The following MAP4K5 variants were observed in gnomAD, a reference collection of about 807,000 sequenced individuals.
MAP4K5 encodes mitogen-activated protein kinase kinase kinase kinase 5, also known as MAPK/ERK kinase kinase kinase 5.
In MAP4K5, 82 loss-of-function variants were observed where a neutral mutation model predicts 135.6. The observed-to-expected ratio is 0.60, with a 90% CI of 0.51 to 0.73. The LOEUF (loss-of-function observed/expected upper bound fraction) is 0.73, where lower values mean the gene tolerates loss of function less well. Ranked by LOEUF, MAP4K5 falls within the 30% of genes least tolerant of loss-of-function variation. The pLI, the probability that MAP4K5 is intolerant of heterozygous loss-of-function variation, is 0.00. For synonymous variants in MAP4K5, 347 were observed against 335.0 expected (o/e 1.04, Z -0.39); for missense variants, 907 against 1,010.9 (o/e 0.90, Z 1.39).
At chr14:50,495,888 G>A (rs2037580704) in intron 3 of MAP4K5, among the ~76,000 whole-genome samples, 1 of 152,182 alleles carries the variant, frequency 6.6e-6, no homozygotes, top group Non-Finnish European at 1.5e-5. Flanking sequence ...GTAGAATGGT[G>A]GTTACTAGTG....
chr14:50,457,575 C>CT (rs1323289045), intron 13 of MAP4K5, among the ~76,000 whole-genome samples: 1 of 152,114 alleles, frequency 6.6e-6, no homozygotes, highest in Non-Finnish European at 1.5e-5. Context: ...TTCAAAGCCC[C>CT]AGGAGGATCC....
chr14:50,551,597 T>C (rs2038703542), intron 1 of MAP4K5, among the ~76,000 whole-genome samples: 1 of 152,058 alleles, frequency 6.6e-6, no homozygotes, highest in African/African-American at 2.4e-5. Context: ...GACCATTATC[T>C]CTGATGAACA....
chr14:50,555,021 A>G (rs2038747971), intron 1 of MAP4K5, among the ~76,000 whole-genome samples: 3 of 152,158 alleles, frequency 2.0e-5, no homozygotes, highest in Admixed American at 1.3e-4. Flanking sequence ...TTTGTTACAT[A>G]TACGGTATAT....
rs560342513 is a variant in MAP4K5, at chr14:50,455,550, T to C, written c.1015+966A>G. On this transcript the variant is annotated intron_variant, in intron 14 of 32. Transcript: ENST00000682126. ...ACTAAATCTTGAATTACTGGCTTAA[T>C]TATGAAAAGGCCTGATTGAAACAAC... Among the ~76,000 whole-genome samples the C allele has an allele frequency of 9.2e-5, 14 of 152,164 alleles. No homozygotes were observed. The South Asian group carries it at 1.7e-3, about 18-fold the overall frequency.
intron 1 of MAP4K5, among the ~76,000 whole-genome samples, chr14:50,543,442 A>G (rs528495493): frequency 2.0e-5 from 3 of 152,354 alleles, no homozygotes; most frequent in African/African-American, 4.8e-5. Context: ...AGCTTCTATT[A>G]GTGCCACAAT....
chr14:50,435,872 T>G (rs1037943222), intron 26 of MAP4K5, among the ~76,000 whole-genome samples: 1 of 152,206 alleles, frequency 6.6e-6, no homozygotes, highest in Non-Finnish European at 1.5e-5. Context: ...ATTATAAGAA[T>G]AGTTATTTGC....
chr14:50,431,211 G>C (rs1337054045), intron 28 of MAP4K5, among the ~76,000 whole-genome samples: 1 of 151,860 alleles, frequency 6.6e-6, no homozygotes, highest in Non-Finnish European at 1.5e-5. Context: ...CTGTTTTTAA[G>C]TACTTTGCTT....
chr14:50,462,139 G>A lies in MAP4K5; in HGVS notation c.936+526C>T, dbSNP rs112791225. Among the ~76,000 whole-genome samples the A allele has an allele frequency of 6.0e-3, 917 of 152,250 alleles. 9 individuals carry two copies. Among genetic ancestry groups the A allele is most frequent in the African/African-American group, 0.02 (822 of 41,554 alleles). The stretch of plus-strand genomic sequence containing the variant: ...CAAAAATGCGCAGCTGGATTTCGAA[G>A]AAGTCCTTTTCATGAAAAATAATAT... On this transcript the variant is annotated intron_variant, in intron 13 of 32. Coordinates refer to ENST00000682126, the MANE Select transcript of MAP4K5 (RefSeq NM_006575.6).
At chr14:50,546,705 G>A (rs527988614) in intron 1 of MAP4K5, among the ~76,000 whole-genome samples, 1 of 152,282 alleles carries the variant, frequency 6.6e-6, no homozygotes, top group African/African-American at 2.4e-5. Flanking sequence ...TTATAAGACT[G>A]TAAACCCAGC....
chr14:50,523,740 T>G (rs2038200752), intron 2 of MAP4K5, among the ~76,000 whole-genome samples: 1 of 152,176 alleles, frequency 6.6e-6, no homozygotes, highest in African/African-American at 2.4e-5. Context: ...AAAATTTGAG[T>G]TCCATGAGGG....
chr14:50,487,847 C>T (rs1052164114), intron 3 of MAP4K5, among the ~76,000 whole-genome samples: 7 of 152,162 alleles, frequency 4.6e-5, no homozygotes, highest in Non-Finnish European at 1.0e-4. Context: ...ACTCCTCCAT[C>T]TGAGCCTTTT....
intron 14 of MAP4K5, 35 bp from the exon 15 acceptor site, chr14:50,448,867 C>T (rs2036419129): frequency 2.0e-6 from 2 of 1,000,258 alleles, no homozygotes; most frequent in Non-Finnish European, 1.5e-6. Flanking sequence ...ACAAACTCAG[C>T]ATCTCAAAGG....
At chr14:50,474,023 C>T (rs992677636) in intron 9 of MAP4K5, among the ~76,000 whole-genome samples, 3 of 152,132 alleles carry the variant, frequency 2.0e-5, no homozygotes, top group African/African-American at 7.2e-5. Flanking sequence ...ACTATTTCCA[C>T]ATACGATTTT....
chr14:50,515,597 G>A (rs1427473607), intron 2 of MAP4K5, among the ~76,000 whole-genome samples: 1 of 151,970 alleles, frequency 6.6e-6, no homozygotes, highest in African/African-American at 2.4e-5. Flanking sequence ...ATAGCTAACA[G>A]TTACTAGAAA....
intron 32 of MAP4K5, among the ~76,000 whole-genome samples, chr14:50,421,415 A>G (rs949993827): frequency 5.3e-5 from 8 of 151,442 alleles, no homozygotes; most frequent in Non-Finnish European, 1.0e-4. Context: ...TGCACCATCA[A>G]GCCCAGCTTA....
chr14:50,487,953 A>G (rs117121735), intron 3 of MAP4K5, among the ~76,000 whole-genome samples: 1,607 of 152,320 alleles, frequency 0.011, 21 homozygotes, highest in Non-Finnish European at 0.016. Flanking sequence ...AACATGAATT[A>G]CAAAGAAGAG....
chr14:50,514,346 G>T (rs1431236371), intron 2 of MAP4K5, among the ~76,000 whole-genome samples: 1 of 152,058 alleles, frequency 6.6e-6, no homozygotes, highest in Non-Finnish European at 1.5e-5. Context: ...TCCTCCCAAA[G>T]TGCTGGGATT....
Position 50,462,740 on chromosome 14 carries a change from T to A in MAP4K5, c.861A>T (p.Ala287=), listed in dbSNP as rs1193105018. Residue 287 remains alanine (A), a synonymous_variant, in exon 13 of 33, where the codon GCA becomes GCT. Transcript: ENST00000682126. ...TGTTCACTTTGTCTAACAGTTCAACTGCTAGGGCTCTAGAGAGACCTGGCT... is the reference window on the plus strand; with the variant it reads ...TGTTCACTTTGTCTAACAGTTCAACAGCTAGGGCTCTAGAGAGACCTGGCT... The part of the protein sequence containing the change: ...VAQPGLSRAL[A]VELLDKVNNP... The A allele has an allele frequency of 1.2e-6, 2 of 1,606,164 alleles. No homozygotes were observed. The highest frequency in any genetic ancestry group is 1.7e-6 in the Non-Finnish European group (2 of 1,178,036).
At chr14:50,479,189 T>C (rs896667178) in intron 6 of MAP4K5, among the ~76,000 whole-genome samples, 2 of 151,104 alleles carry the variant, frequency 1.3e-5, no homozygotes, top group African/African-American at 4.9e-5. Flanking sequence ...TCTCTCTCTT[T>C]TTTTTTTTCT....
Sources: gnomAD v4.1 joint callset for allele counts (sites outside exome capture counted in the v4.1 genomes callset) on GRCh38, gnomAD v4.1.1 for gene constraint, MANE v1.5 for transcripts, NCBI Gene and HGNC (gene_info 2026-07-23, HGNC 2026-07-21) for gene names.